Variants in DCC observed in about 807,000 individuals in gnomAD.
DCC encodes DCC netrin 1 receptor.
Under a neutral mutation model 172.5 loss-of-function variants are expected in DCC, and 58 were observed. The ratio of observed to expected loss-of-function variants is 0.34; its 90% CI spans 0.27 to 0.42. The LOEUF is 0.42. DCC is among the 10% of genes least tolerant of loss of function. The pLI, the probability that DCC is intolerant of heterozygous loss-of-function variation, is 1.00. For missense variants in DCC, 1,740 were observed against 1,791.0 expected, an observed-to-expected ratio of 0.97 and a Z score of 0.51; for synonymous variants, 709 against 644.5, an observed-to-expected ratio of 1.10 and a Z score of -1.52.
intron 5 of DCC, among the ~76,000 whole-genome samples, chr18:53,009,409 C>T (rs772017827): frequency 2.0e-5 from 3 of 151,906 alleles, no homozygotes; most frequent in Non-Finnish European, 4.4e-5. Context: ...ATTTACTCTA[C>T]ATATGATGGT....
chr18:53,127,794 C>G (rs893347750), intron 7 of DCC, among the ~76,000 whole-genome samples: 29 of 152,154 alleles, frequency 1.9e-4, no homozygotes, highest in African/African-American at 7.0e-4. Context: ...AACACTGTCA[C>G]TGCTTTATAG....
intron 26 of DCC, among the ~76,000 whole-genome samples, chr18:53,495,620 G>A (rs537789666): frequency 2.3e-4 from 35 of 152,164 alleles, no homozygotes; most frequent in African/African-American, 7.2e-4. Flanking sequence ...AGCTGTTCTC[G>A]AGGAGTATCT....
chr18:53,230,662 A>G (rs1294199823), intron 12 of DCC, among the ~76,000 whole-genome samples: 1 of 152,054 alleles, frequency 6.6e-6, no homozygotes, highest in Non-Finnish European at 1.5e-5. Context: ...GGCTAATTAG[A>G]CCAGTTAGTA....
chr18:52,395,563 C>T (rs1218686869), intron 1 of DCC, among the ~76,000 whole-genome samples: 1 of 152,022 alleles, frequency 6.6e-6, no homozygotes, highest in Non-Finnish European at 1.5e-5. Flanking sequence ...GAAGATTTAT[C>T]AGTTGGAGTG....
chr18:53,098,590 A>G (rs1278189591), intron 7 of DCC, among the ~76,000 whole-genome samples: 1 of 152,160 alleles, frequency 6.6e-6, no homozygotes, highest in African/African-American at 2.4e-5. Context: ...TGTTGTTCTC[A>G]TTGCATCACA....
chr18:52,960,046 C>T (rs2040816718), intron 5 of DCC, among the ~76,000 whole-genome samples: 1 of 152,090 alleles, frequency 6.6e-6, no homozygotes, highest in Non-Finnish European at 1.5e-5. Flanking sequence ...ATAGTTTCTA[C>T]TAACATGGAC....
At chr18:52,507,550 G>T (rs1336152211) in intron 1 of DCC, among the ~76,000 whole-genome samples, 1 of 152,088 alleles carries the variant, frequency 6.6e-6, no homozygotes, top group Non-Finnish European at 1.5e-5. Context: ...CAATTAACCT[G>T]TTCTTTGCCA....
At chr18:52,659,030 T>C (rs999171) in intron 1 of DCC, among the ~76,000 whole-genome samples, 73,569 of 151,908 alleles carry the variant, frequency 0.48, 18,296 homozygotes, top group East Asian at 0.56. Context: ...AAGAAAGTTA[T>C]CTATAATGTT....
At chr18:52,342,881 G>T (rs1028789464) in intron 1 of DCC, among the ~76,000 whole-genome samples, 4 of 152,112 alleles carry the variant, frequency 2.6e-5, no homozygotes, top group Admixed American at 2.6e-4. Context: ...TATTCTCTTT[G>T]CATTTATTTA....
chr18:53,041,585 A>T (rs2042169453), intron 5 of DCC, among the ~76,000 whole-genome samples: 1 of 152,032 alleles, frequency 6.6e-6, no homozygotes, highest in Admixed American at 6.6e-5. Flanking sequence ...AATAGTATTA[A>T]ATCTGTAATT....
At chr18:52,977,116 C>T (rs985598182) in intron 5 of DCC, among the ~76,000 whole-genome samples, 3 of 152,100 alleles carry the variant, frequency 2.0e-5, no homozygotes, top group Non-Finnish European at 4.4e-5. Flanking sequence ...AGAAAAATCT[C>T]CTTTTCTGTG....
At chr18:53,116,323 G>A (rs2043408469) in intron 7 of DCC, among the ~76,000 whole-genome samples, 1 of 151,692 alleles carries the variant, frequency 6.6e-6, no homozygotes, top group Non-Finnish European at 1.5e-5. Flanking sequence ...ACCCCCTAGA[G>A]GATTCCATTG....
rs565613796 is a variant in DCC, at chr18:52,742,210, A to G, written c.92-9844A>G. On this transcript the variant is annotated intron_variant, in intron 1 of 28. Transcript: ENST00000442544. ...GCCACCCAATCTATGGTATTTTGTT[A>G]TGGCAGCTGAAGCAGACTATGACAA... 2.0e-5 allele frequency among the ~76,000 whole-genome samples: 3 copies of G among 152,312 alleles called. No individual in the cohort carries two copies. In the South Asian group the frequency reaches 6.2e-4, roughly 32 times the overall value.
intron 1 of DCC, among the ~76,000 whole-genome samples, chr18:52,501,228 A>G (rs980227327): frequency 6.6e-6 from 1 of 152,154 alleles, no homozygotes; most frequent in Non-Finnish European, 1.5e-5. Flanking sequence ...CAGCCGTCTT[A>G]TTCCTAAAGA....
chr18:53,177,469 T>A (rs571752352), intron 8 of DCC, among the ~76,000 whole-genome samples: 1 of 152,294 alleles, frequency 6.6e-6, no homozygotes, highest in South Asian at 2.1e-4. Flanking sequence ...GTATAACAAA[T>A]AAGCCCTAAA....
chr18:53,058,829 G>T (rs1375300008), intron 5 of DCC, among the ~76,000 whole-genome samples: 3 of 152,018 alleles, frequency 2.0e-5, no homozygotes, highest in Non-Finnish European at 2.9e-5. Context: ...AATACCACAG[G>T]GTTTCCAAAA....
chr18:52,775,984 C>T (rs532309953), intron 2 of DCC, among the ~76,000 whole-genome samples: 34 of 152,280 alleles, frequency 2.2e-4, no homozygotes, highest in East Asian at 1.4e-3. Context: ...TCAAGATGTT[C>T]CCAGCACAAT....
At chr18:53,464,979 C>CAAAAAAAAAAAA (rs71179510) in intron 24 of DCC, among the ~76,000 whole-genome samples, 9 of 54,840 alleles carry the variant, frequency 1.6e-4, no homozygotes, top group Non-Finnish European at 1.9e-4. Context: ...AACTCAATCT[C>CAAAAAAAAAAAA]AAAAAAAAAA....
chr18:52,940,115 C>A (rs532042569), intron 5 of DCC, among the ~76,000 whole-genome samples: 22 of 152,092 alleles, frequency 1.4e-4, no homozygotes, highest in Non-Finnish European at 2.9e-4. Context: ...TTAAACACTG[C>A]TTTGAGAAAA....
Sources: allele counts gnomAD v4.1 joint callset (sites outside exome capture counted in the v4.1 genomes callset), GRCh38; gene constraint gnomAD v4.1.1; transcripts MANE v1.5; gene names NCBI Gene and HGNC (gene_info 2026-07-23, HGNC 2026-07-21).